The following ETFDH variants were observed in gnomAD, a reference collection of about 807,000 sequenced individuals.
ETFDH encodes electron transfer flavoprotein-ubiquinone oxidoreductase, mitochondrial.
Under a neutral mutation model 73.2 loss-of-function variants are expected in ETFDH, and 61 were observed. That is an observed-to-expected ratio of 0.83 (90% CI 0.68 to 1.03). The LOEUF (loss-of-function observed/expected upper bound fraction) is 1.03. Ranked by LOEUF, ETFDH falls within the 50% of genes least tolerant of loss-of-function variation. ETFDH has a pLI of 0.00. For missense variants in ETFDH, 685 were observed against 745.0 expected, an observed-to-expected ratio of 0.92 and a Z score of 0.94; for synonymous variants, 243 against 253.3, an observed-to-expected ratio of 0.96 and a Z score of 0.39.
intron 6 of ETFDH, among the ~76,000 whole-genome samples, chr4:158,695,256 C>T (rs1774279365): frequency 6.6e-6 from 1 of 151,982 alleles, no homozygotes; most frequent in Non-Finnish European, 1.5e-5. Context: ...ACTACCTAGT[C>T]ATTAAAGAGA....
chr4:158,703,565 G>GT lies in ETFDH; in HGVS notation c.1260dup (p.Glu421Ter). ...GAATCTATTTTTAATCAACTAACTA[G>GT]TGAAAATCTCCAATCAAAGACAATA... On this transcript the variant is annotated frameshift_variant, in exon 10 of 13. Transcript: ENST00000511912. LOFTEE classifies it high-confidence loss of function. 3 of 1,607,556 alleles carry GT rather than the reference G, an allele frequency of 1.9e-6. No homozygotes were observed. Among genetic ancestry groups the GT allele is most frequent in the Non-Finnish European group, 2.6e-6 (3 of 1,174,258 alleles).
At chr4:158,680,199 A>G in intron 1 of ETFDH, 1 of 358,590 alleles carries the variant, frequency 2.8e-6, no homozygotes, top group Non-Finnish European at 5.3e-6. Context: ...ATACTACTCC[A>G]TATTACTCTC....
chr4:158,688,928 G>C (rs924198061), intron 5 of ETFDH, among the ~76,000 whole-genome samples: 2 of 151,686 alleles, frequency 1.3e-5, no homozygotes, highest in Admixed American at 1.3e-4. Flanking sequence ...TTTGTTTTTT[G>C]ACAAGCAGGA....
rs1274550727 is a variant in ETFDH at position 158,693,649 on chromosome 4, A to G, written c.685-1848A>G. 2.0e-5 allele frequency among the ~76,000 whole-genome samples: 3 copies of G among 152,234 alleles called. No individual in the cohort carries two copies. In the East Asian group the frequency reaches 5.8e-4, roughly 29 times the overall value. The stretch of plus-strand genomic sequence containing the variant: ...TGGTGATTTAAAGATCTAAAACAAT[A>G]CAAATCAGAAATCTAAGAGATGACA... On this transcript the variant is annotated intron_variant, in intron 6 of 12. Transcript: ENST00000511912.
rs561478782 is a variant in ETFDH, at chr4:158,702,121, T to C, written c.1117-1302T>C. Among the ~76,000 whole-genome samples the C allele has an allele frequency of 6.6e-5, 10 of 152,152 alleles. No individual in the cohort carries two copies. In the East Asian group the frequency reaches 9.7e-4, roughly 15 times the overall value. On this transcript the variant is annotated intron_variant, in intron 9 of 12. Transcript: ENST00000511912. ...TGTATAGTATCCTTTGTAAGTCTTGTATTACCCCGAATGCATGTAAAAGCA... is the reference window on the plus strand; with the variant it reads ...TGTATAGTATCCTTTGTAAGTCTTGCATTACCCCGAATGCATGTAAAAGCA...
chr4:158,696,636 T>C (rs1226779591), intron 7 of ETFDH, among the ~76,000 whole-genome samples: 1 of 152,224 alleles, frequency 6.6e-6, no homozygotes, highest in Non-Finnish European at 1.5e-5. Flanking sequence ...AGATTGCATA[T>C]GTCTGATTGC....
intron 1 of ETFDH, among the ~76,000 whole-genome samples, 167 bp downstream of exon 1, chr4:158,672,657 C>T (rs1773605093): frequency 6.6e-6 from 1 of 152,150 alleles, no homozygotes; most frequent in East Asian, 1.9e-4. Flanking sequence ...TGGCTTCCTC[C>T]CTCTGGGGTT....
intron 8 of ETFDH, 119 bp downstream of exon 8, chr4:158,697,818 T>G (rs1003333672): frequency 3.2e-6 from 3 of 945,800 alleles, no homozygotes; most frequent in Non-Finnish European, 5.0e-6. Context: ...AGCTTTCTAA[T>G]TTTATCAATA....
intron 1 of ETFDH, among the ~76,000 whole-genome samples, chr4:158,674,074 G>T (rs1773652933): frequency 6.6e-6 from 1 of 152,164 alleles, no homozygotes; most frequent in African/African-American, 2.4e-5. Flanking sequence ...TATACAAGCA[G>T]TAGAAATAGT....
chr4:158,705,695 T>G (rs576074010), intron 10 of ETFDH, among the ~76,000 whole-genome samples: 1 of 152,362 alleles, frequency 6.6e-6, no homozygotes, highest in South Asian at 2.1e-4. Context: ...GTTAATAACA[T>G]ATCTATATCT....
At chr4:158,702,058 G>C (rs564759949) in intron 9 of ETFDH, among the ~76,000 whole-genome samples, 1 of 152,118 alleles carries the variant, frequency 6.6e-6, no homozygotes, top group Non-Finnish European at 1.5e-5. Flanking sequence ...TTAGAGCATA[G>C]GTTTCTATCC....
chr4:158,697,551 T>A lies in ETFDH; in HGVS notation c.832-8T>A, dbSNP rs912481593. The A allele has an allele frequency of 8.1e-6, 13 of 1,608,912 alleles. No homozygotes were observed. Among genetic ancestry groups the A allele is most frequent in the Non-Finnish European group, 1.0e-5 (12 of 1,178,842 alleles). On this transcript the variant is annotated splice_region_variant and splice_polypyrimidine_tract_variant and intron_variant, in intron 7 of 12. Coordinates refer to ENST00000511912, the MANE Select transcript of ETFDH (RefSeq NM_004453.4). ...CAGGACTTTTTTGTTTGCTTTTTTTTTTTTTAGTTATGGGTTATTGATGAA... is the reference window on the plus strand; with the variant it reads ...CAGGACTTTTTTGTTTGCTTTTTTTATTTTTAGTTATGGGTTATTGATGAA...
intron 10 of ETFDH, among the ~76,000 whole-genome samples, chr4:158,705,839 G>C (rs1305144143): frequency 6.6e-6 from 1 of 152,214 alleles, no homozygotes; most frequent in Non-Finnish European, 1.5e-5. Context: ...CCAGCACTTT[G>C]GGAGGCTGAG....
intron 9 of ETFDH, among the ~76,000 whole-genome samples, chr4:158,702,345 A>C (rs895160765): frequency 7.2e-5 from 11 of 152,164 alleles, no homozygotes; most frequent in Admixed American, 6.6e-4. Context: ...TATTTGAAAA[A>C]AATAACAAAT....
In ETFDH at chr4:158,678,504, T is replaced by C. The variant is rs1172913440; in HGVS notation, c.35-1963T>C. On this transcript the variant is annotated intron_variant, in intron 1 of 12. Transcript: ENST00000511912. The stretch of plus-strand genomic sequence containing the variant: ...TGCTGGTAACATTAAACTTGATCAC[T>C]TGCTTAAAGTGATATCTGCCATATT... 4.6e-5 allele frequency among the ~76,000 whole-genome samples: 7 copies of C among 152,198 alleles called. No homozygotes were observed. The East Asian group carries it at 1.3e-3, about 29-fold the overall frequency.
intron 10 of ETFDH, among the ~76,000 whole-genome samples, chr4:158,705,604 A>T (rs534994410): frequency 6.6e-6 from 1 of 152,316 alleles, no homozygotes; most frequent in East Asian, 1.9e-4. Flanking sequence ...TTTTTATCTT[A>T]AAGCTTCTTT....
chr4:158,675,926 C>A lies in ETFDH; in HGVS notation c.34+3436C>A, dbSNP rs756827453. Among the ~76,000 whole-genome samples the A allele has an allele frequency of 3.6e-4, 55 of 152,292 alleles. No homozygotes were observed. In the Middle Eastern group the frequency reaches 0.01, roughly 28 times the overall value. On this transcript the variant is annotated intron_variant, in intron 1 of 12. Coordinates refer to ENST00000511912, the MANE Select transcript of ETFDH (RefSeq NM_004453.4). Reference sequence around the variant, plus strand: ...GCCAGACTGTTTTTCAAAGAGACTGCATCATTTTTGCATTCCCCCAGGAGT... The same window carrying A: ...GCCAGACTGTTTTTCAAAGAGACTGAATCATTTTTGCATTCCCCCAGGAGT...
chr4:158,673,427 TAATTC>T (rs1773631770), intron 1 of ETFDH, among the ~76,000 whole-genome samples: 1 of 152,246 alleles, frequency 6.6e-6, no homozygotes, highest in African/African-American at 2.4e-5. Context: ...TTGTTGTCGT[TAATTC>T]AAACAGAAAA....
chr4:158,702,132 A>G (rs919621106), intron 9 of ETFDH, among the ~76,000 whole-genome samples: 13 of 151,680 alleles, frequency 8.6e-5, no homozygotes, highest in Non-Finnish European at 2.9e-5. Context: ...ATTACCCCGA[A>G]TGCATGTAAA....
Sources: allele counts gnomAD v4.1 joint callset (sites outside exome capture counted in the v4.1 genomes callset), GRCh38; gene constraint gnomAD v4.1.1; transcripts MANE v1.5; gene names NCBI Gene and HGNC (gene_info 2026-07-23, HGNC 2026-07-21).